The following CNPY1 variants were observed in gnomAD, a reference collection of about 807,000 sequenced individuals.
CNPY1 encodes the protein canopy FGF signaling regulator 1.
A neutral mutation model predicts 14.4 loss-of-function variants in CNPY1; 14 were observed. The ratio of observed to expected loss-of-function variants is 0.97; its 90% CI spans 0.64 to 1.52. The LOEUF is 1.52. Ranked by LOEUF, CNPY1 falls within the 40% of genes most tolerant of loss-of-function variation. The pLI is 0.00. For synonymous variants in CNPY1, 43 were observed against 46.5 expected (o/e 0.92, Z 0.31); for missense variants, 129 against 131.5 (o/e 0.98, Z 0.09).
intron 2 of CNPY1, among the ~76,000 whole-genome samples, chr7:155,530,493 T>C (rs1341279604): frequency 6.6e-6 from 1 of 152,056 alleles, no homozygotes; most frequent in Non-Finnish European, 1.5e-5. Context: ...TGCCCAGCTA[T>C]ATCTTTTTAA....
intron 2 of CNPY1, 59 bp from the exon 3 acceptor site, chr7:155,509,156 T>C: frequency 1.0e-6 from 1 of 984,068 alleles, no homozygotes; most frequent in African/African-American, 1.6e-5. Flanking sequence ...TTCAAAGACC[T>C]TCCGGCGAGT....
chr7:155,527,434 C>CTTT (rs11364914), intron 2 of CNPY1, among the ~76,000 whole-genome samples: 2,141 of 56,910 alleles, frequency 0.038, 51 homozygotes, highest in Non-Finnish European at 0.042. Flanking sequence ...TAATTAATTT[C>CTTT]TTTTTTTTTT....
chr7:155,523,064 A>C (rs1380232136), intron 2 of CNPY1, among the ~76,000 whole-genome samples: 3 of 152,166 alleles, frequency 2.0e-5, no homozygotes, highest in Admixed American at 2.0e-4. Context: ...GGATTCAAAC[A>C]ATTCTTATTC....
At chr7:155,539,912 T>A (rs1452257278) in intron 2 of CNPY1, among the ~76,000 whole-genome samples, 1 of 152,132 alleles carries the variant, frequency 6.6e-6, no homozygotes, top group Non-Finnish European at 1.5e-5. Flanking sequence ...GGAAACTGAA[T>A]AGGACCAGCA....
At chr7:155,520,843 T>C (rs1269795676) in intron 2 of CNPY1, among the ~76,000 whole-genome samples, 3 of 152,134 alleles carry the variant, frequency 2.0e-5, no homozygotes, top group Non-Finnish European at 4.4e-5. Flanking sequence ...ACATTCCCCT[T>C]TGACTGGGTG....
chr7:155,512,537 T>C (rs983253209), intron 2 of CNPY1, among the ~76,000 whole-genome samples: 1 of 152,228 alleles, frequency 6.6e-6, no homozygotes, highest in Non-Finnish European at 1.5e-5. Flanking sequence ...GTTCTGGCTT[T>C]GGCTTCTCCA....
At chr7:155,545,047 C>T (rs1163531453) in intron 2 of CNPY1, among the ~76,000 whole-genome samples, 2 of 152,210 alleles carry the variant, frequency 1.3e-5, no homozygotes, top group Non-Finnish European at 2.9e-5. Flanking sequence ...CAGGAAGACA[C>T]GGACCCCACA....
At chr7:155,538,284 T>C (rs2116754804) in intron 2 of CNPY1, among the ~76,000 whole-genome samples, 1 of 152,350 alleles carries the variant, frequency 6.6e-6, no homozygotes, top group Middle Eastern at 3.4e-3. Context: ...CCTCCAGCCC[T>C]GCAGTCCATC....
At chr7:155,517,872 T>C (rs1796652333) in intron 2 of CNPY1, among the ~76,000 whole-genome samples, 1 of 152,254 alleles carries the variant, frequency 6.6e-6, no homozygotes, top group Non-Finnish European at 1.5e-5. Flanking sequence ...TTTGATGCGA[T>C]ACAGAAAGGT....
At chr7:155,529,755 G>A (rs1220039619) in intron 2 of CNPY1, among the ~76,000 whole-genome samples, 1 of 150,894 alleles carries the variant, frequency 6.6e-6, no homozygotes, top group African/African-American at 2.4e-5. Flanking sequence ...TACAAATAAG[G>A]TCACCCTTCA....
rs775428556 is a variant in CNPY1 at position 155,528,922 on chromosome 7, A to G, written c.99+16909T>C. ...AAAAATACAAAAAAATTAGCCAGGC[A>G]TGGTGGCAGGCGCCTGTGGTCCCAG... On this transcript the variant is annotated intron_variant, in intron 2 of 4. Coordinates refer to ENST00000636446, the MANE Select transcript of CNPY1 (RefSeq NM_001393663.1). 2.0e-4 allele frequency among the ~76,000 whole-genome samples: 30 copies of G among 152,246 alleles called. 1 individual carries two copies. The highest frequency in any genetic ancestry group is 6.2e-4 in the South Asian group (3 of 4,820).
intron 2 of CNPY1, among the ~76,000 whole-genome samples, chr7:155,528,049 C>A (rs1323520653): frequency 6.6e-6 from 1 of 152,180 alleles, no homozygotes; most frequent in Non-Finnish European, 1.5e-5. Context: ...ATTAATCCTG[C>A]ATCGTTGTAG....
chr7:155,502,003 T>TGGGGGGGGGGGTGG lies in CNPY1; in HGVS notation c.*1064_*1065insCCACCCCCCCCCCC, dbSNP rs60236629. 57 of 125,226 alleles carry TGGGGGGGGGGGTGG rather than the reference T, an allele frequency of 4.6e-4. No individual in the cohort carries two copies. The highest frequency in any genetic ancestry group is 6.7e-4 in the Non-Finnish European group (40 of 60,004). The allele number at this position is 125,226 out of a possible 1,614,324, so 7.8% of individuals were successfully genotyped here. ...GCAAAGAGTTTTGGGTCGGGGGGGT[T>TGGGGGGGGGGGTGG]GGGGGGGGGATTTGTAGCATCCTAC... On this transcript the variant is annotated 3_prime_UTR_variant, in exon 5 of 5. Transcript: ENST00000636446.
chr7:155,511,448 T>A (rs1480809640), intron 2 of CNPY1, among the ~76,000 whole-genome samples: 2 of 152,258 alleles, frequency 1.3e-5, no homozygotes, highest in Non-Finnish European at 2.9e-5. Flanking sequence ...GCCACTTGAT[T>A]TATTTCCTAG....
intron 2 of CNPY1, among the ~76,000 whole-genome samples, chr7:155,525,377 C>T (rs978378982): frequency 6.6e-6 from 1 of 152,170 alleles, no homozygotes; most frequent in Non-Finnish European, 1.5e-5. Context: ...CCATGTCAGT[C>T]AGGCTGGTCT....
chr7:155,521,659 G>A (rs1195062348), intron 2 of CNPY1, among the ~76,000 whole-genome samples: 1 of 152,120 alleles, frequency 6.6e-6, no homozygotes, highest in African/African-American at 2.4e-5. Context: ...ATTGAAAAAA[G>A]GTCAAAAGAA....
At position 155,536,741 on chromosome 7, in the gene CNPY1, G is replaced by A. The variant is rs1797029255; in HGVS notation, c.99+9090C>T. Among the ~76,000 whole-genome samples the A allele has an allele frequency of 6.6e-6, 1 of 152,178 alleles. No individual in the cohort carries two copies. Among genetic ancestry groups the A allele is most frequent in the Admixed American group, 6.5e-5 (1 of 15,284 alleles). ...TCCCTGAATGACCAAGTGGAGCAGA[G>A]CCCCGTGCCAACCCACACTAGACTA... On this transcript the variant is annotated intron_variant, in intron 2 of 4. Transcript: ENST00000636446. The surrounding 1 kb of genome is among the most constrained non-coding windows in gnomAD (Gnocchi z 4.1).
intron 2 of CNPY1, chr7:155,518,346 T>C (rs931721307): frequency 2.0e-5 from 3 of 153,618 alleles, no homozygotes; most frequent in Admixed American, 6.5e-5. Context: ...TTTTGTGCTT[T>C]ATCTAGAAAG....
At chr7:155,520,079 T>C (rs1385916354) in intron 2 of CNPY1, among the ~76,000 whole-genome samples, 2 of 152,196 alleles carry the variant, frequency 1.3e-5, no homozygotes, top group East Asian at 1.9e-4. Flanking sequence ...TAGGTCGCCG[T>C]AGGTATACAT....
Sources: gnomAD v4.1 joint callset for allele counts (sites outside exome capture counted in the v4.1 genomes callset) on GRCh38, gnomAD v4.1.1 for gene constraint, Gnocchi (gnomAD v3.1) non-coding constraint, MANE v1.5 for transcripts, NCBI Gene and HGNC (gene_info 2026-07-23, HGNC 2026-07-21) for gene names.